WDR64: variants seen among roughly 807,000 people sequenced by gnomAD.
The protein encoded by WDR64 is WD repeat-containing protein 64.
In WDR64, 112 loss-of-function variants were observed where a neutral mutation model predicts 139.3. The observed-to-expected ratio is 0.80, with a 90% CI of 0.69 to 0.94. WDR64 has a LOEUF of 0.94. Ranked by LOEUF, WDR64 falls within the 40% of genes least tolerant of loss-of-function variation. WDR64 has a pLI of 0.00. For missense variants in WDR64, 1,206 were observed against 1,293.1 expected, an observed-to-expected ratio of 0.93 and a Z score of 1.03; for synonymous variants, 444 against 437.7, an observed-to-expected ratio of 1.01 and a Z score of -0.18.
chr1:241,699,083 A>T (rs138067139), intron 8 of WDR64, among the ~76,000 whole-genome samples: 57 of 152,312 alleles, frequency 3.7e-4, no homozygotes, highest in Non-Finnish European at 7.6e-4. Flanking sequence ...AACTGCCCCC[A>T]TGATTCAATT....
intron 8 of WDR64, among the ~76,000 whole-genome samples, chr1:241,695,193 G>A (rs573212768): frequency 3.3e-5 from 5 of 152,140 alleles, no homozygotes; most frequent in African/African-American, 4.8e-5. Flanking sequence ...AAAGAACAAA[G>A]GCAGTAAATA....
intron 10 of WDR64, among the ~76,000 whole-genome samples, chr1:241,729,589 C>T (rs1668994490): frequency 6.6e-6 from 1 of 152,198 alleles, no homozygotes; most frequent in South Asian, 2.1e-4. Context: ...AACAATTCTC[C>T]TCCCATTCCC....
At chr1:241,747,069 T>C (rs1332555504) in intron 13 of WDR64, among the ~76,000 whole-genome samples, 2 of 152,172 alleles carry the variant, frequency 1.3e-5, no homozygotes, top group Non-Finnish European at 2.9e-5. Flanking sequence ...CCAATAACAT[T>C]CTTAAAATAA....
chr1:241,754,521 T>C (rs1670104242), intron 14 of WDR64, among the ~76,000 whole-genome samples: 1 of 152,036 alleles, frequency 6.6e-6, no homozygotes. Flanking sequence ...GGTTTCACCA[T>C]GTTGGCCAGG....
intron 13 of WDR64, among the ~76,000 whole-genome samples, chr1:241,747,227 T>C (rs1445933084): frequency 6.6e-6 from 1 of 152,202 alleles, no homozygotes; most frequent in African/African-American, 2.4e-5. Flanking sequence ...TTTCTGTATA[T>C]TGGTTGTGCA....
intron 8 of WDR64, among the ~76,000 whole-genome samples, chr1:241,708,723 T>TTTTA (rs1668057040): frequency 7.3e-6 from 1 of 136,856 alleles, no homozygotes; most frequent in Non-Finnish European, 1.6e-5. Context: ...TTTTTTTTTT[T>TTTTA]AAGGATTGGG....
At chr1:241,710,423 A>G (rs1668114277) in intron 8 of WDR64, among the ~76,000 whole-genome samples, 1 of 151,632 alleles carries the variant, frequency 6.6e-6, no homozygotes, top group Non-Finnish European at 1.5e-5. Flanking sequence ...ATGGCACAAT[A>G]CCATTCACAG....
intron 22 of WDR64, among the ~76,000 whole-genome samples, chr1:241,781,778 T>C (rs200828170): frequency 7.0e-6 from 1 of 143,162 alleles, no homozygotes; most frequent in East Asian, 2.4e-4. Flanking sequence ...TGCAATGCAG[T>C]AGAACAGAAT....
At chr1:241,730,536 T>C (rs1027797079) in intron 10 of WDR64, among the ~76,000 whole-genome samples, 3 of 152,214 alleles carry the variant, frequency 2.0e-5, no homozygotes, top group Admixed American at 6.5e-5. Flanking sequence ...CATACACATA[T>C]TCACTACAGC....
At chr1:241,710,465 A>G (rs935599025) in intron 8 of WDR64, among the ~76,000 whole-genome samples, 6 of 131,314 alleles carry the variant, frequency 4.6e-5, no homozygotes, top group African/African-American at 1.4e-4. Context: ...ATATGAATAT[A>G]TGGTAGATGC....
rs1245143873 is a variant in WDR64, at chr1:241,749,542, CTCAGGAACAGTCAGAA to C, written c.1595-2_1608del. ...CCCACATAGTCTTTTTCTCTGTATG[CTCAGGAACAGTCAGAA>C]TCTGGGACTTTGGCAGTGGGCAGGA... On this transcript the variant is annotated splice_acceptor_variant and splice_polypyrimidine_tract_variant and coding_sequence_variant and intron_variant, in exon 14 of 28. Coordinates refer to ENST00000437684, the MANE Select transcript of WDR64 (RefSeq NM_001367482.1). LOFTEE classifies it high-confidence loss of function. 6.2e-7 allele frequency: 1 copy of C among 1,613,732 alleles called. No homozygotes were observed. The highest frequency in any genetic ancestry group is 1.3e-5 in the African/African-American group (1 of 74,980).
intron 7 of WDR64, among the ~76,000 whole-genome samples, chr1:241,685,600 A>G (rs1373500551): frequency 1.3e-5 from 2 of 152,176 alleles, no homozygotes; most frequent in Admixed American, 6.5e-5. Flanking sequence ...TAAAAAATGG[A>G]TTATACTTTG....
At chr1:241,747,985 G>A (rs944171327) in intron 13 of WDR64, among the ~76,000 whole-genome samples, 1 of 152,162 alleles carries the variant, frequency 6.6e-6, no homozygotes, top group Non-Finnish European at 1.5e-5. Context: ...GGGACTGTGC[G>A]TCCATTCCCA....
chr1:241,769,330 G>A, intron 16 of WDR64, 74 bp from the exon 17 acceptor site: 2 of 1,165,536 alleles, frequency 1.7e-6, no homozygotes, highest in Non-Finnish European at 1.2e-6. Context: ...GCTCTGCAGA[G>A]GATATACAAT....
At chr1:241,671,307 G>T in intron 3 of WDR64, 131 bp downstream of exon 3, 1 of 641,766 alleles carries the variant, frequency 1.6e-6, no homozygotes. Context: ...CTAGGTGTCG[G>T]GGGTGGTGAG....
At chr1:241,705,490 C>A (rs1392705238) in intron 8 of WDR64, among the ~76,000 whole-genome samples, 2 of 150,298 alleles carry the variant, frequency 1.3e-5, no homozygotes, top group Non-Finnish European at 3.0e-5. Flanking sequence ...TGCAGTGAGC[C>A]GAGATCGCGC....
intron 16 of WDR64, among the ~76,000 whole-genome samples, chr1:241,769,122 T>C (rs181126083): frequency 1.8e-3 from 268 of 151,910 alleles, no homozygotes; most frequent in African/African-American, 6.0e-3. Flanking sequence ...TAAAATAGAG[T>C]TTTTTCCATA....
intron 8 of WDR64, among the ~76,000 whole-genome samples, chr1:241,708,366 G>C (rs910648800): frequency 1.3e-5 from 2 of 152,178 alleles, no homozygotes; most frequent in African/African-American, 4.8e-5. Context: ...CCCCAGGCCA[G>C]AGTGCAGTGG....
intron 8 of WDR64, among the ~76,000 whole-genome samples, chr1:241,709,930 A>G (rs2148169245): frequency 6.6e-6 from 1 of 152,264 alleles, no homozygotes; most frequent in South Asian, 2.1e-4. Flanking sequence ...AGTAATACAA[A>G]GGAGTATTTG....
Sources: gnomAD v4.1 joint callset for allele counts (sites outside exome capture counted in the v4.1 genomes callset) on GRCh38, gnomAD v4.1.1 for gene constraint, MANE v1.5 for transcripts, NCBI Gene and HGNC (gene_info 2026-07-23, HGNC 2026-07-21) for gene names.